SYT1: variants seen among roughly 807,000 people sequenced by gnomAD.
SYT1 encodes synaptotagmin-1.
In SYT1, 8 loss-of-function variants were observed where a neutral mutation model predicts 44.8. The ratio of observed to expected loss-of-function variants is 0.18; its 90% CI spans 0.10 to 0.32. SYT1 has a LOEUF of 0.32. Among genes scored for constraint, SYT1 ranks in the 10% least tolerant of loss-of-function variants. SYT1 has a pLI of 1.00. For synonymous variants in SYT1, 154 were observed against 188.8 expected (o/e 0.82, Z 1.51); for missense variants, 286 against 509.3 (o/e 0.56, Z 4.22).
At chr12:79,260,103 G>A (rs1267227258) in intron 4 of SYT1, among the ~76,000 whole-genome samples, 2 of 152,194 alleles carry the variant, frequency 1.3e-5, no homozygotes, top group Admixed American at 6.5e-5. Context: ...CTAAACGAAT[G>A]ACTTGTCTTT....
At chr12:79,238,246 T>C (rs1256178695) in intron 4 of SYT1, among the ~76,000 whole-genome samples, 2 of 152,014 alleles carry the variant, frequency 1.3e-5, no homozygotes, top group African/African-American at 4.8e-5. Flanking sequence ...CCTAAGCAGG[T>C]TTTATGCTGC....
At chr12:79,198,516 GA>G (rs1873592188) in intron 3 of SYT1, among the ~76,000 whole-genome samples, 1 of 151,258 alleles carries the variant, frequency 6.6e-6, no homozygotes, top group Admixed American at 6.5e-5. Context: ...GCAATACACA[GA>G]AAACAAGTAT....
intron 2 of SYT1, among the ~76,000 whole-genome samples, chr12:78,989,494 C>T (rs1365503353): frequency 6.6e-6 from 1 of 152,072 alleles, no homozygotes; most frequent in Non-Finnish European, 1.5e-5. Context: ...CGTTCCCAGA[C>T]TTTGTGCAGC....
intron 4 of SYT1, among the ~76,000 whole-genome samples, chr12:79,222,899 AT>A (rs565673748): frequency 1.3e-3 from 204 of 151,412 alleles, no homozygotes; most frequent in African/African-American, 4.7e-3. Flanking sequence ...CCTCTACTGC[AT>A]TTTTTTTCTT....
intron 1 of SYT1, among the ~76,000 whole-genome samples, chr12:78,951,104 A>G (rs1878941178): frequency 6.6e-6 from 1 of 152,150 alleles, no homozygotes; most frequent in African/African-American, 2.4e-5. Context: ...CCAGAGTGAT[A>G]GTCAAGTCCA....
intron 2 of SYT1, among the ~76,000 whole-genome samples, chr12:79,024,034 T>C (rs1026498664): frequency 4.6e-5 from 7 of 151,788 alleles, no homozygotes; most frequent in African/African-American, 1.7e-4. Context: ...CAACACTGCC[T>C]GGAAGAGCAT....
At chr12:79,259,712 TGGAAGA>T (rs1877724481) in intron 4 of SYT1, among the ~76,000 whole-genome samples, 1 of 152,146 alleles carries the variant, frequency 6.6e-6, no homozygotes, top group African/African-American at 2.4e-5. Flanking sequence ...CCAGCCTGGA[TGGAAGA>T]GTGAGTCCCT....
At chr12:79,021,465 G>A (rs1162173135) in intron 2 of SYT1, among the ~76,000 whole-genome samples, 2 of 151,770 alleles carry the variant, frequency 1.3e-5, no homozygotes, top group African/African-American at 4.8e-5. Context: ...TATAGATAGT[G>A]AGGAGATGAG....
chr12:79,139,776 G>A (rs1273234932), intron 3 of SYT1, among the ~76,000 whole-genome samples: 1 of 152,188 alleles, frequency 6.6e-6, no homozygotes, highest in Non-Finnish European at 1.5e-5. Context: ...TTTACCCCAA[G>A]AGAAAGAATT....
chr12:79,182,259 C>T (rs1872588105), intron 3 of SYT1, among the ~76,000 whole-genome samples: 1 of 152,032 alleles, frequency 6.6e-6, no homozygotes, highest in South Asian at 2.1e-4. Flanking sequence ...CCTCCTTAAA[C>T]TCACTTTAAT....
At chr12:79,146,266 A>T (rs1869907108) in intron 3 of SYT1, among the ~76,000 whole-genome samples, 1 of 152,148 alleles carries the variant, frequency 6.6e-6, no homozygotes. Context: ...CCGTCCTCAC[A>T]CTTTAGAGTA....
intron 1 of SYT1, among the ~76,000 whole-genome samples, chr12:78,920,016 T>C (rs1277353227): frequency 2.8e-5 from 2 of 71,536 alleles, no homozygotes; most frequent in Non-Finnish European, 5.6e-5. Flanking sequence ...TAGAGTATCA[T>C]TGGGCTATTT....
At chr12:79,256,757 A>C (rs533965755) in intron 4 of SYT1, among the ~76,000 whole-genome samples, 1 of 152,228 alleles carries the variant, frequency 6.6e-6, no homozygotes, top group South Asian at 2.1e-4. Flanking sequence ...ACAGAAGAAA[A>C]ATGCCATCTA....
intron 3 of SYT1, among the ~76,000 whole-genome samples, chr12:79,191,102 T>TAA (rs72392624): frequency 2.6e-5 from 4 of 150,954 alleles, no homozygotes; most frequent in African/African-American, 9.7e-5. Context: ...TAAATATAAA[T>TAA]ATATATATAT....
At chr12:79,024,085 G>A (rs1872368576) in intron 2 of SYT1, among the ~76,000 whole-genome samples, 3 of 151,802 alleles carry the variant, frequency 2.0e-5, no homozygotes, top group Non-Finnish European at 2.9e-5. Context: ...TTTCCCAAAG[G>A]TTGAAGGAGG....
intron 7 of SYT1, among the ~76,000 whole-genome samples, chr12:79,298,259 G>A (rs1327948601): frequency 6.6e-6 from 1 of 151,894 alleles, no homozygotes; most frequent in Non-Finnish European, 1.5e-5. Context: ...TCTTTGGAAG[G>A]GTTTATTTTC....
intron 3 of SYT1, among the ~76,000 whole-genome samples, chr12:79,057,383 T>C (rs569167220): frequency 2.1e-4 from 32 of 151,968 alleles, no homozygotes; most frequent in Non-Finnish European, 4.3e-4. Flanking sequence ...TCAAAATACA[T>C]TGGTTTCTAA....
At chr12:79,274,108 G>T (rs1018709884) in intron 4 of SYT1, among the ~76,000 whole-genome samples, 1 of 152,150 alleles carries the variant, frequency 6.6e-6, no homozygotes, top group Admixed American at 6.5e-5. Context: ...AAGAAAGAAA[G>T]AAACTCCCAA....
intron 1 of SYT1, among the ~76,000 whole-genome samples, chr12:78,957,649 T>C (rs982926910): frequency 6.6e-6 from 1 of 152,132 alleles, no homozygotes; most frequent in African/African-American, 2.4e-5. Context: ...TTTGCATTTC[T>C]TTGGGAGTCA....
Sources: gnomAD v4.1 joint callset for allele counts (sites outside exome capture counted in the v4.1 genomes callset) on GRCh38, gnomAD v4.1.1 for gene constraint, MANE v1.5 for transcripts, NCBI Gene and HGNC (gene_info 2026-07-23, HGNC 2026-07-21) for gene names.